Variants in LRBA observed in about 807,000 individuals in gnomAD.
The protein encoded by LRBA is lipopolysaccharide-responsive and beige-like anchor protein.
Under a neutral mutation model 330.0 loss-of-function variants are expected in LRBA, and 176 were observed. The observed-to-expected ratio is 0.53, with a 90% CI of 0.47 to 0.60. The LOEUF is 0.60. LRBA is among the 20% of genes least tolerant of loss of function. The pLI is 0.00. For missense variants in LRBA, 3,259 were observed against 3,444.8 expected, an observed-to-expected ratio of 0.95 and a Z score of 1.35; for synonymous variants, 1,230 against 1,193.0, an observed-to-expected ratio of 1.03 and a Z score of -0.64.
chr4:150,281,737 C>T (rs1006041491), intron 55 of LRBA, among the ~76,000 whole-genome samples: 3 of 152,230 alleles, frequency 2.0e-5, no homozygotes, highest in Non-Finnish European at 4.4e-5. Context: ...TTTACTTTAA[C>T]CTTCACCAAG....
chr4:150,860,679 T>G (rs1218371171), intron 22 of LRBA, among the ~76,000 whole-genome samples: 1 of 151,870 alleles, frequency 6.6e-6, no homozygotes, highest in Admixed American at 6.6e-5. Context: ...TACAAAAAAT[T>G]AGCCAGGCAT....
At chr4:150,415,378 A>C (rs2151951578) in intron 47 of LRBA, 60 bp downstream of exon 47, 5 of 1,490,666 alleles carry the variant, frequency 3.4e-6, no homozygotes, top group Middle Eastern at 1.8e-4. Flanking sequence ...ATACACCAAC[A>C]CATGAAAGAT....
At chr4:150,980,781 TA>T (rs1338944816) in intron 2 of LRBA, among the ~76,000 whole-genome samples, 5 of 152,188 alleles carry the variant, frequency 3.3e-5, no homozygotes, top group Non-Finnish European at 5.9e-5. Context: ...ATTAATTCAG[TA>T]AAGTTGTAGA....
intron 49 of LRBA, among the ~76,000 whole-genome samples, chr4:150,323,027 G>T (rs1210510958): frequency 1.3e-5 from 2 of 151,184 alleles, no homozygotes; most frequent in Admixed American, 6.6e-5. Context: ...GTGTGTGTGG[G>T]GATGCATTGA....
chr4:150,268,004 G>T (rs1745583081), intron 56 of LRBA, among the ~76,000 whole-genome samples: 5 of 150,458 alleles, frequency 3.3e-5, no homozygotes. Flanking sequence ...AGGTTGCAGT[G>T]AGCTGAGATT....
intron 4 of LRBA, among the ~76,000 whole-genome samples, chr4:150,924,402 G>A (rs1011708294): frequency 5.9e-5 from 9 of 151,968 alleles, no homozygotes; most frequent in African/African-American, 2.2e-4. Flanking sequence ...GGTCCCAGCT[G>A]CTTGGAAAGC....
intron 49 of LRBA, among the ~76,000 whole-genome samples, chr4:150,322,943 C>A (rs1452802494): frequency 2.0e-5 from 3 of 151,142 alleles, no homozygotes; most frequent in Non-Finnish European, 4.4e-5. Flanking sequence ...ATGGTTCATG[C>A]ACTTAACGCA....
At chr4:150,779,401 T>C (rs934086455) in intron 34 of LRBA, among the ~76,000 whole-genome samples, 13 of 152,064 alleles carry the variant, frequency 8.5e-5, no homozygotes, top group African/African-American at 3.1e-4. Context: ...TAAAATGATA[T>C]AAAGTATTAG....
chr4:150,850,421 G>C lies in LRBA; in HGVS notation c.4004+303C>G, dbSNP rs913664131. Among the ~76,000 whole-genome samples, 5 of 152,098 alleles carry C rather than the reference G, an allele frequency of 3.3e-5. No individual in the cohort carries two copies. The East Asian group carries it at 9.7e-4, about 29-fold the overall frequency. Reference sequence around the variant, plus strand: ...TACCAATTATTTTTTAATACTTCTAGTAATAAACCAACTTGATAAACCTAC... The same window carrying C: ...TACCAATTATTTTTTAATACTTCTACTAATAAACCAACTTGATAAACCTAC... On this transcript the variant is annotated intron_variant, in intron 24 of 56. Coordinates refer to ENST00000651943, the MANE Select transcript of LRBA (RefSeq NM_001364905.1).
intron 44 of LRBA, among the ~76,000 whole-genome samples, chr4:150,452,780 A>G (rs527565786): frequency 6.6e-6 from 1 of 152,324 alleles, no homozygotes; most frequent in South Asian, 2.1e-4. Flanking sequence ...ATAGTGCAGT[A>G]AGTCTTCATT....
chr4:150,906,324 G>T lies in LRBA; in HGVS notation c.1575C>A (p.Phe525Leu). ...MQEQMLACKG[F>L]LVIGYSLEKS... ...TTTCAAGGCTATATCCTATTACCAA[G>T]AAGCCCTTACAGGCAAGCATCTGTT... Residue 525 changes from phenylalanine to leucine, a missense_variant, in exon 12 of 57, where the codon TTC becomes TTA. Transcript: ENST00000651943. The T allele has an allele frequency of 6.2e-7, 1 of 1,606,852 alleles. No homozygotes were observed. The highest frequency in any genetic ancestry group is 8.5e-7 in the Non-Finnish European group (1 of 1,173,918).
chr4:150,346,218 T>C (rs1736278537), intron 48 of LRBA, among the ~76,000 whole-genome samples: 1 of 152,062 alleles, frequency 6.6e-6, no homozygotes, highest in Non-Finnish European at 1.5e-5. Context: ...ATCAAATACC[T>C]ACCATACTTA....
chr4:150,910,759 G>C (rs1284381868), intron 9 of LRBA, among the ~76,000 whole-genome samples: 1 of 150,148 alleles, frequency 6.7e-6, no homozygotes, highest in African/African-American at 2.5e-5. Context: ...GCTTTAGGTA[G>C]TATGGATTTT....
rs557702127 is a variant in LRBA, at chr4:150,925,774, T to TTC, written c.549+2741_549+2742insGA. On this transcript the variant is annotated intron_variant, in intron 4 of 56. Transcript: ENST00000651943. ...TCTATGCTTATGAATATAATAAAAA[T>TTC]ACATTACATATTCAGAATAAATAAT... Among the ~76,000 whole-genome samples, 997 of 152,268 alleles carry TTC rather than the reference T, an allele frequency of 6.5e-3. 13 individuals carry two copies. The highest frequency in any genetic ancestry group is 0.019 in the African/African-American group (803 of 41,570).
chr4:150,998,336 A>G (rs1028056614), intron 2 of LRBA, among the ~76,000 whole-genome samples: 2 of 150,476 alleles, frequency 1.3e-5, no homozygotes, highest in African/African-American at 4.9e-5. Flanking sequence ...CTGGGTAACG[A>G]GAACGAAACT....
intron 48 of LRBA, among the ~76,000 whole-genome samples, chr4:150,330,565 G>C (rs952035157): frequency 6.6e-6 from 1 of 152,114 alleles, no homozygotes; most frequent in Non-Finnish European, 1.5e-5. Context: ...CCAGGCATTA[G>C]ATTCTCATAG....
At chr4:150,661,469 C>CA (rs563120801) in intron 37 of LRBA, among the ~76,000 whole-genome samples, 10,004 of 64,290 alleles carry the variant, frequency 0.16, 842 homozygotes, top group African/African-American at 0.32. Context: ...GACTCTGTCT[C>CA]AAAAAAAAAA....
chr4:150,591,605 C>A (rs1373306091), intron 38 of LRBA, among the ~76,000 whole-genome samples: 1 of 152,150 alleles, frequency 6.6e-6, no homozygotes, highest in Non-Finnish European at 1.5e-5. Context: ...AGGGCTAAGG[C>A]ACCCCGGGGG....
chr4:150,349,719 A>G (rs931354367), intron 48 of LRBA, among the ~76,000 whole-genome samples: 5 of 152,196 alleles, frequency 3.3e-5, no homozygotes, highest in Non-Finnish European at 7.3e-5. Context: ...AGTAACCCCC[A>G]AAGTTATATA....
Sources: gnomAD v4.1 joint callset for allele counts (sites outside exome capture counted in the v4.1 genomes callset) on GRCh38, gnomAD v4.1.1 for gene constraint, MANE v1.5 for transcripts, NCBI Gene and HGNC (gene_info 2026-07-23, HGNC 2026-07-21) for gene names.